Variants in ATAD2B observed in about 807,000 individuals in gnomAD.
ATAD2B encodes the protein ATPase family AAA domain containing 2B, also known as ATPase family AAA domain-containing protein 2B.
ATAD2B carries 40 observed loss-of-function variants against 167.6 expected under a neutral mutation model. That is an observed-to-expected ratio of 0.24 (90% CI 0.19 to 0.31). The LOEUF is 0.31. ATAD2B is among the 10% of genes least tolerant of loss of function. The pLI is 1.00. For missense variants in ATAD2B, 1,242 were observed against 1,757.2 expected, an observed-to-expected ratio of 0.71 and a Z score of 5.24; for synonymous variants, 579 against 596.5, an observed-to-expected ratio of 0.97 and a Z score of 0.43.
intron 2 of ATAD2B, among the ~76,000 whole-genome samples, chr2:23,894,552 T>C (rs1184247803): frequency 1.3e-5 from 2 of 151,926 alleles, no homozygotes; most frequent in Admixed American, 6.6e-5. Context: ...AGAAATCTAG[T>C]ATATTACTTG....
chr2:23,737,467 C>T, the ATAD2B span, among the ~76,000 whole-genome samples: 1 of 152,218 alleles, frequency 6.6e-6, no homozygotes, highest in African/African-American at 2.4e-5. Context: ...CAAACTCCAA[C>T]AGACCTGCAG....
chr2:23,687,645 G>A, the ATAD2B span, among the ~76,000 whole-genome samples: 3 of 152,224 alleles, frequency 2.0e-5, no homozygotes, highest in South Asian at 2.1e-4. Context: ...GGGCCTGGCT[G>A]TGGGGGAGGG....
the ATAD2B span, among the ~76,000 whole-genome samples, chr2:23,728,940 G>T: frequency 0.052 from 7,911 of 152,246 alleles, 233 homozygotes; most frequent in Middle Eastern, 0.082. Flanking sequence ...GCATGGCTGG[G>T]GAGGCCTCAG....
At position 23,833,960 on chromosome 2, in the gene ATAD2B, G is replaced by T; in HGVS notation, c.1687C>A (p.Arg563Ser). Residue 563 changes from arginine (R) to serine (S), a missense_variant, in exon 14 of 28, where the codon CGT becomes AGT. Coordinates refer to ENST00000238789, the MANE Select transcript of ATAD2B (RefSeq NM_017552.4). ...SIDPALRRPG[R>S]FDREFLFNLP... is the part of the protein sequence containing the mutation. Reference sequence around the variant, plus strand: ...TTGAAGAGGAATTCTCTGTCAAAACGACCAGGTCTCCTGAGTGCAGGATCT... The same window carrying T: ...TTGAAGAGGAATTCTCTGTCAAAACTACCAGGTCTCCTGAGTGCAGGATCT... 6.2e-7 allele frequency: 1 copy of T among 1,607,680 alleles called. No individual in the cohort carries two copies. Among genetic ancestry groups the T allele is most frequent in the South Asian group, 1.1e-5 (1 of 89,238 alleles).
At chr2:23,862,684 A>C (rs1694589495) in intron 12 of ATAD2B, among the ~76,000 whole-genome samples, 1 of 152,214 alleles carries the variant, frequency 6.6e-6, no homozygotes, top group Admixed American at 6.5e-5. Flanking sequence ...GCCTTTTAAA[A>C]GCATTCACTC....
intron 13 of ATAD2B, among the ~76,000 whole-genome samples, chr2:23,851,389 C>T (rs930329295): frequency 6.6e-6 from 1 of 152,228 alleles, no homozygotes; most frequent in African/African-American, 2.4e-5. Context: ...GATCCACTGT[C>T]CTTGGCCTCC....
rs1687195459 is a variant in ATAD2B, at chr2:23,819,902, T to C, written c.2132-20A>G. The C allele has an allele frequency of 6.5e-7, 1 of 1,549,582 alleles. No homozygotes were observed. Among genetic ancestry groups the C allele is most frequent in the Non-Finnish European group, 8.8e-7 (1 of 1,132,028 alleles). ...CTATATCTGTTTAAAAAAATCACAA[T>C]GGTTATGGGGCTTATAAAGTCATTT... is the stretch of plus-strand genomic sequence containing the variant. On this transcript the variant is annotated intron_variant, in intron 16 of 27. Coordinates refer to ENST00000238789, the MANE Select transcript of ATAD2B (RefSeq NM_017552.4).
intron 20 of ATAD2B, among the ~76,000 whole-genome samples, chr2:23,787,368 G>T (rs1680981730): frequency 6.6e-6 from 1 of 151,912 alleles, no homozygotes; most frequent in Admixed American, 6.6e-5. Flanking sequence ...AGAAAATTCA[G>T]ATCTATGAGA....
the ATAD2B span, among the ~76,000 whole-genome samples, chr2:23,719,180 G>A: frequency 6.6e-6 from 1 of 152,154 alleles, no homozygotes; most frequent in Non-Finnish European, 1.5e-5. Context: ...TTTTGGTCTG[G>A]ACCTAGCCGA....
chr2:23,864,867 C>T lies in ATAD2B; in HGVS notation c.1246G>A (p.Val416Ile), dbSNP rs1694912687. The change falls in exon 11 of 28, where the codon GTA becomes ATA. Residue 416 changes from valine (V) to isoleucine (I), a missense_variant. Physicochemically the swap from Val to Ile is conservative, Grantham distance 29. Around this residue, in one of 9 missense-constraint regions of ATAD2B, gnomAD observed 151 missense variants for 284.1 expected, o/e 0.53. Coordinates refer to ENST00000238789, the MANE Select transcript of ATAD2B (RefSeq NM_017552.4). ...SHHIHALKEMVVFPLLYPEIF... is the reference protein window; with the variant it reads ...SHHIHALKEMIVFPLLYPEIF... ...TCTGGATATAAAAGTGGGAATACTA[C>T]CATTTCCTTTAGCGCATGAATATGA... 3 of 1,598,566 alleles carry T rather than the reference C, an allele frequency of 1.9e-6. No individual in the cohort carries two copies. The South Asian group carries it at 3.4e-5, about 18-fold the overall frequency.
At position 23,815,870 on chromosome 2, in the gene ATAD2B, T is replaced by A. The variant is rs923545116; in HGVS notation, c.2267+3877A>T. On this transcript the variant is annotated intron_variant, in intron 17 of 27. Transcript: ENST00000238789. ...CTACATTTTTTCCCCATAGTACTTA[T>A]CTTCTAACAGTTTATCTATCTAGCA... Among the ~76,000 whole-genome samples, 4 of 152,196 alleles carry A rather than the reference T, an allele frequency of 2.6e-5. No individual in the cohort carries two copies. The East Asian group carries it at 7.7e-4, about 29-fold the overall frequency.
At chr2:23,794,513 C>T (rs1031705765) in intron 19 of ATAD2B, among the ~76,000 whole-genome samples, 1 of 152,148 alleles carries the variant, frequency 6.6e-6, no homozygotes, top group Non-Finnish European at 1.5e-5. Flanking sequence ...CTCAGGGGTC[C>T]TTGGACCACA....
At chr2:23,877,744 C>T (rs966145073) in intron 7 of ATAD2B, among the ~76,000 whole-genome samples, 7 of 150,602 alleles carry the variant, frequency 4.6e-5, no homozygotes, top group Admixed American at 1.3e-4. Context: ...CGGTTAATCC[C>T]AGCTACTTGG....
chr2:23,766,912 T>G (rs1379474582), intron 22 of ATAD2B, among the ~76,000 whole-genome samples: 1 of 91,042 alleles, frequency 1.1e-5, no homozygotes, highest in African/African-American at 4.8e-5. Flanking sequence ...ACTGAAAGAG[T>G]AAGGGGGGAA....
chr2:23,890,605 A>G (rs1699342107), intron 2 of ATAD2B, among the ~76,000 whole-genome samples: 1 of 152,222 alleles, frequency 6.6e-6, no homozygotes, highest in Non-Finnish European at 1.5e-5. Context: ...GACCCAACAA[A>G]GCATTAACTC....
At chr2:23,791,943 T>C (rs1681805378) in intron 19 of ATAD2B, among the ~76,000 whole-genome samples, 1 of 152,206 alleles carries the variant, frequency 6.6e-6, no homozygotes, top group South Asian at 2.1e-4. Context: ...TTTAAGATAA[T>C]GTCATACTGT....
intron 12 of ATAD2B, among the ~76,000 whole-genome samples, chr2:23,859,925 G>T (rs542675478): frequency 8.5e-4 from 129 of 151,948 alleles, no homozygotes; most frequent in Non-Finnish European, 1.4e-3. Context: ...ACTCCAGCCT[G>T]GGTGACAGAG....
chr2:23,825,792 A>G lies in ATAD2B; in HGVS notation c.1820-2223T>C, dbSNP rs531108161. 1.8e-3 allele frequency among the ~76,000 whole-genome samples: 34 copies of G among 18,494 alleles called. 1 individual carries two copies. The East Asian group carries it at 0.23, about 125-fold the overall frequency. 12.1% of individuals were successfully genotyped at this position (18,494 alleles called of 152,430 possible). ...TTAAAAAAATTAAAACTCAGAAACT[A>G]TTAGGCAAAACAAATAATTAGCCAC... On this transcript the variant is annotated intron_variant, in intron 15 of 27. Coordinates refer to ENST00000238789, the MANE Select transcript of ATAD2B (RefSeq NM_017552.4).
At chr2:23,889,780 G>A (rs949847588) in intron 2 of ATAD2B, among the ~76,000 whole-genome samples, 7 of 151,904 alleles carry the variant, frequency 4.6e-5, no homozygotes, top group African/African-American at 7.2e-5. Flanking sequence ...ATTGCTGGGC[G>A]TGGTGGCGGG....
Sources: allele counts gnomAD v4.1 joint callset (sites outside exome capture counted in the v4.1 genomes callset), GRCh38; gene constraint gnomAD v4.1.1; regional missense constraint gnomAD v4.1.1; transcripts MANE v1.5; gene names NCBI Gene and HGNC (gene_info 2026-07-23, HGNC 2026-07-21).